Variants in MTA2 observed in about 807,000 individuals in gnomAD.
The protein encoded by MTA2 is metastasis-associated protein MTA2.
MTA2 carries 22 observed loss-of-function variants against 87.1 expected under a neutral mutation model. The observed-to-expected ratio is 0.25, with a 90% CI of 0.18 to 0.36. MTA2 has a LOEUF of 0.36. Among genes scored for constraint, MTA2 ranks in the 10% least tolerant of loss-of-function variants. The pLI is 1.00. For missense variants in MTA2, 542 were observed against 853.2 expected, an observed-to-expected ratio of 0.64 and a Z score of 4.54; for synonymous variants, 314 against 310.1, an observed-to-expected ratio of 1.01 and a Z score of -0.13.
rs530009246 is a variant in MTA2 at position 62,598,435 on chromosome 11, T to A, written c.309-45A>T. 8 of 1,608,026 alleles carry A rather than the reference T, an allele frequency of 5.0e-6. No individual in the cohort carries two copies. In the East Asian group the frequency reaches 1.3e-4, roughly 27 times the overall value. On this transcript the variant is annotated intron_variant, in intron 4 of 17. Coordinates refer to ENST00000278823, the MANE Select transcript of MTA2 (RefSeq NM_004739.4). ...AAACCCCGGTGAGCCCCACTCTCCC[T>A]CCCCACAGCATCTCTCAATACCACC...
Position 62,593,225 on chromosome 11 carries a change from G to A in MTA2, c.*650C>T, listed in dbSNP as rs996080144. ...GAGCCAGGAGAAGCTGAAGAAAACAGCTTTTTATTTGTTACTATAAGAACC... is the reference window on the plus strand; with the variant it reads ...GAGCCAGGAGAAGCTGAAGAAAACAACTTTTTATTTGTTACTATAAGAACC... On this transcript the variant is annotated 3_prime_UTR_variant, in exon 18 of 18. Transcript: ENST00000278823. The A allele has an allele frequency of 6.6e-6, 1 of 152,122 alleles. No homozygotes were observed. Among genetic ancestry groups the A allele is most frequent in the African/African-American group, 2.4e-5 (1 of 41,388 alleles). 9.4% of individuals were successfully genotyped at this position (152,122 alleles called of 1,614,324 possible).
chr11:62,598,239 C>T, intron 5 of MTA2, 88 bp downstream of exon 5: 1 of 1,561,924 alleles, frequency 6.4e-7, no homozygotes, highest in Non-Finnish European at 8.8e-7. Flanking sequence ...GTCTGGCAAC[C>T]CTGTACCTCA....
chr11:62,598,864 G>C (rs975557265), intron 3 of MTA2, among the ~76,000 whole-genome samples: 1 of 152,080 alleles, frequency 6.6e-6, no homozygotes, highest in Admixed American at 6.6e-5. Flanking sequence ...AAGAACTGCT[G>C]AGAGTACGAA....
At chr11:62,594,466 G>A (rs751653667) in intron 16 of MTA2, 50 bp downstream of exon 16, 2 of 1,613,100 alleles carry the variant, frequency 1.2e-6, no homozygotes, top group African/African-American at 1.3e-5. Context: ...TCCTATGAGA[G>A]ACAAAAGCCC....
chr11:62,600,224 A>G lies in MTA2; in HGVS notation c.132T>C (p.Cys44=). Reference sequence around the variant, plus strand: ...TAGAAATGTCCCTGCGCCGGAAAAGACAGACAACCTTTGCCTCCACATTTC... The same window carrying G: ...TAGAAATGTCCCTGCGCCGGAAAAGGCAGACAACCTTTGCCTCCACATTTC... ...ANGNVEAKVV[C]LFRRRDISSS... The change falls in exon 3 of 18, where the codon TGT becomes TGC. Residue 44 remains cysteine, a synonymous_variant. Transcript: ENST00000278823. The G allele has an allele frequency of 6.2e-7, 1 of 1,614,254 alleles. No homozygotes were observed. The highest frequency in any genetic ancestry group is 2.2e-5 in the East Asian group (1 of 44,886).
Position 62,596,726 on chromosome 11 carries a change from T to A in MTA2, c.793A>T (p.Met265Leu). The stretch of plus-strand genomic sequence containing the variant: ...GCCTCTGAGGCTGACCATTCCTCCA[T>A]CTCATCCCGACACAGCACCGGGCCT... Reference protein sequence around the residue: ...QGGPVLCRDEMEEWSASEAML... With the variant: ...QGGPVLCRDELEEWSASEAML... The change falls in exon 9 of 18, where the codon ATG becomes TTG. Residue 265 changes from methionine (M) to leucine (L), a missense_variant. Around this residue, in one of 6 missense-constraint regions of MTA2, gnomAD observed 44 missense variants for 104.8 expected, o/e 0.42. Coordinates refer to ENST00000278823, the MANE Select transcript of MTA2 (RefSeq NM_004739.4). The A allele has an allele frequency of 1.9e-6, 3 of 1,614,146 alleles. No individual in the cohort carries two copies. Among genetic ancestry groups the A allele is most frequent in the Non-Finnish European group, 2.5e-6 (3 of 1,180,018 alleles).
Position 62,596,729 on chromosome 11 carries a change from C to A in MTA2, c.790G>T (p.Glu264Ter). 6.2e-7 allele frequency: 1 copy of A among 1,614,224 alleles called. No homozygotes were observed. The highest frequency in any genetic ancestry group is 8.5e-7 in the Non-Finnish European group (1 of 1,180,028). Residue 264 changes from glutamate to a stop codon, truncating the protein, a stop_gained, in exon 9 of 18, where the codon GAG becomes TAG. Coordinates refer to ENST00000278823, the MANE Select transcript of MTA2 (RefSeq NM_004739.4). LOFTEE classifies it high-confidence loss of function. ...TCTGAGGCTGACCATTCCTCCATCTCATCCCGACACAGCACCGGGCCTCCC... is the reference window on the plus strand; with the variant it reads ...TCTGAGGCTGACCATTCCTCCATCTAATCCCGACACAGCACCGGGCCTCCC... ...PQGGPVLCRD[E>*]MEEWSASEAM...
intron 1 of MTA2, 58 bp from the exon 2 acceptor site, chr11:62,600,747 G>C: frequency 6.6e-7 from 1 of 1,508,524 alleles, no homozygotes; most frequent in Non-Finnish European, 9.2e-7. Context: ...GAGACGCAGA[G>C]CACCAGGGTA....
rs948007407 is a variant in MTA2 at position 62,595,509 on chromosome 11, G to T, written c.1255-17C>A. The T allele has an allele frequency of 6.2e-7, 1 of 1,612,720 alleles. No homozygotes were observed. The highest frequency in any genetic ancestry group is 2.2e-5 in the East Asian group (1 of 44,866). ...GTGTGGCTCCTAGAAGAAGAGCATA[G>T]GAAAGAGAGAGAGCAGAAATCAGCA... On this transcript the variant is annotated splice_polypyrimidine_tract_variant and intron_variant, in intron 13 of 17. Transcript: ENST00000278823. The surrounding 1 kb of genome is among the most constrained non-coding windows in gnomAD (Gnocchi z 4.9).
rs59314885 is a variant in MTA2 at position 62,597,887 on chromosome 11, G to A, written c.490+137C>T. The A allele has an allele frequency of 6.6e-3, 6,637 of 1,011,660 alleles. 294 individuals carry two copies. In the African/African-American group the frequency reaches 0.093, roughly 14 times the overall value. 62.7% of individuals were successfully genotyped at this position (1,011,660 alleles called of 1,614,324 possible). The stretch of plus-strand genomic sequence containing the variant: ...TTTCAGGTTCCTACAGGCCCATTCT[G>A]TCAGGGTCATGGCAGAGAGCCCTGC... On this transcript the variant is annotated intron_variant, in intron 6 of 17. Coordinates refer to ENST00000278823, the MANE Select transcript of MTA2 (RefSeq NM_004739.4).
In MTA2 at chr11:62,593,693, GGCATGAGACAAGTCTCGA is replaced by G; in HGVS notation, c.*164_*181del. Reference sequence around the variant, plus strand: ...TCTGTCCTCCATCGGCAAGCATGGAGGCATGAGACAAGTCTCGAGGTGGTAACACCAGAGGGCGCCCAA... The same window carrying G: ...TCTGTCCTCCATCGGCAAGCATGGAGGGTGGTAACACCAGAGGGCGCCCAA... On this transcript the variant is annotated 3_prime_UTR_variant, in exon 18 of 18. Transcript: ENST00000278823. 1.5e-6 allele frequency: 1 copy of G among 679,570 alleles called. No homozygotes were observed. The allele number at this position is 679,570 out of a possible 1,614,324, so 42.1% of individuals were successfully genotyped here. A position where few individuals can be genotyped will look rare whatever the true frequency, so the allele number is the denominator to read the frequency against.
In MTA2 at chr11:62,598,574, G is replaced by C; in HGVS notation, c.256C>G (p.Arg86Gly). The C allele has an allele frequency of 6.2e-7, 1 of 1,614,036 alleles. No homozygotes were observed. The highest frequency in any genetic ancestry group is 8.5e-7 in the Non-Finnish European group (1 of 1,180,018). ...AATTGCCGAGAAAGAAAAAGTTCCCGGTGCTTCAGTTGATGGCGCTGCTGC... is the reference window on the plus strand; with the variant it reads ...AATTGCCGAGAAAGAAAAAGTTCCCCGTGCTTCAGTTGATGGCGCTGCTGC... ...SEQQRHQLKHRELFLSRQFES... is the reference protein window; with the variant it reads ...SEQQRHQLKHGELFLSRQFES... Residue 86 changes from arginine (R) to glycine (G), a missense_variant, in exon 4 of 18, where the codon CGG becomes GGG. Around this residue, in one of 6 missense-constraint regions of MTA2, gnomAD observed 150 missense variants for 243.9 expected, o/e 0.62. Coordinates refer to ENST00000278823, the MANE Select transcript of MTA2 (RefSeq NM_004739.4).
In MTA2 at chr11:62,594,069, A is replaced by G. The variant is rs112114991; in HGVS notation, c.1842-29T>C. 3.2e-6 allele frequency: 5 copies of G among 1,571,480 alleles called. No individual in the cohort carries two copies. The South Asian group carries it at 6.0e-5, about 19-fold the overall frequency. ...GCCAGAAAGAGCAAGTGGGAAACAG[A>G]AAAGGCTTAGAGAACATTAAGACCT... On this transcript the variant is annotated intron_variant, in intron 17 of 17. Coordinates refer to ENST00000278823, the MANE Select transcript of MTA2 (RefSeq NM_004739.4).
In MTA2 at chr11:62,595,489, G is replaced by A. The variant is rs763689815; in HGVS notation, c.1258C>T (p.Pro420Ser). The A allele has an allele frequency of 3.1e-6, 5 of 1,614,064 alleles. No homozygotes were observed. The highest frequency in any genetic ancestry group is 1.7e-5 in the Admixed American group (1 of 60,018). ...LEGATRGTTE[P>S]HSRGHLSRPE... ...CTGGATAAATGACCCCTTGAGTGTG[G>A]CTCCTAGAAGAAGAGCATAGGAAAG... The change falls in exon 14 of 18, where the codon CCA becomes TCA. Residue 420 changes from proline (P) to serine (S), a missense_variant. By Grantham distance (74) the Pro-to-Ser change is moderately conservative. Coordinates refer to ENST00000278823, the MANE Select transcript of MTA2 (RefSeq NM_004739.4). This position sits in a 1 kb window ranked among gnomAD's most constrained non-coding sequence, Gnocchi z 4.9.
chr11:62,597,919 T>C, intron 6 of MTA2, 105 bp downstream of exon 6: 1 of 1,110,696 alleles, frequency 9.0e-7, no homozygotes, highest in Non-Finnish European at 1.4e-6. Context: ...CTGCAGACAG[T>C]GCACTGCACA....
rs1319505071 is a variant in MTA2 at position 62,597,684 on chromosome 11, C to T, written c.519G>A (p.Lys173=). Residue 173 remains lysine, a synonymous_variant, in exon 7 of 18, where the codon AAG becomes AAA. Transcript: ENST00000278823. ...EGESDNRNQQ[K]MEMKVWDPDN... ...CTGGGTCCCAGACCTTCATCTCCAT[C>T]TTCTGCTGGTTCCGATTATCAGATT... 6.2e-7 allele frequency: 1 copy of T among 1,614,200 alleles called. No homozygotes were observed. The highest frequency in any genetic ancestry group is 8.5e-7 in the Non-Finnish European group (1 of 1,180,038).
Position 62,601,747 on chromosome 11 carries a change from C to T in MTA2, c.-297G>A, listed in dbSNP as rs1460322714. ...AGAGCCAGGCTCCAGCTACCCCCGC[C>T]CCCGCGGAGTCCCACTAGTCGTTGG... On this transcript the variant is annotated 5_prime_UTR_variant, in exon 1 of 18. Transcript: ENST00000278823. 1.9e-6 allele frequency: 1 copy of T among 515,994 alleles called. No homozygotes were observed. The highest frequency in any genetic ancestry group is 3.5e-5 in the East Asian group (1 of 28,592). The allele number at this position is 515,994 out of a possible 1,614,324, so 32.0% of individuals were successfully genotyped here.
intron 1 of MTA2, chr11:62,600,946 G>A (rs755910985): frequency 1.9e-6 from 1 of 515,480 alleles, no homozygotes; most frequent in Non-Finnish European, 3.5e-6. Context: ...GGGTTCCCCT[G>A]CAGTCCCCAC....
At position 62,601,566 on chromosome 11, in the gene MTA2, T is replaced by A; in HGVS notation, c.-116A>T. 7.9e-7 allele frequency: 1 copy of A among 1,270,814 alleles called. No individual in the cohort carries two copies. Among genetic ancestry groups the A allele is most frequent in the African/African-American group, 1.6e-5 (1 of 63,838 alleles). 78.7% of individuals were successfully genotyped at this position (1,270,814 alleles called of 1,614,324 possible). A position where few individuals can be genotyped will look rare whatever the true frequency, so the allele number is the denominator to read the frequency against. On this transcript the variant is annotated 5_prime_UTR_variant, in exon 1 of 18. Transcript: ENST00000278823. The stretch of plus-strand genomic sequence containing the variant: ...GGCTGCCGCTTCGAGGGAGTCTCAC[T>A]GGGGCCCGCGCAGCCGGCACCTCCG...
Sources: gnomAD v4.1 joint callset for allele counts (sites outside exome capture counted in the v4.1 genomes callset) on GRCh38, gnomAD v4.1.1 for gene constraint, gnomAD v4.1.1 regional missense constraint, Gnocchi (gnomAD v3.1) non-coding constraint, MANE v1.5 for transcripts, NCBI Gene and HGNC (gene_info 2026-07-23, HGNC 2026-07-21) for gene names.